MAST3: variants seen among roughly 807,000 people sequenced by gnomAD.
The protein encoded by MAST3 is microtubule associated serine/threonine kinase 3.
In MAST3, 43 loss-of-function variants were observed where a neutral mutation model predicts 127.0. The ratio of observed to expected loss-of-function variants is 0.34; its 90% confidence interval spans 0.27 to 0.44. MAST3 has a LOEUF of 0.44. MAST3 is among the 20% of genes least tolerant of loss of function. The pLI, the probability that MAST3 is intolerant of heterozygous loss-of-function variation, is 1.00. For missense variants in MAST3, 1,390 were observed against 1,919.1 expected (o/e 0.72, Z 5.15); for synonymous variants, 785 against 809.2 (o/e 0.97, Z 0.51).
At chr19:18,131,667 C>T (rs1285459913) in intron 14 of MAST3, among the ~76,000 whole-genome samples, 1 of 150,386 alleles carries the variant, frequency 6.6e-6, no homozygotes, top group Admixed American at 6.6e-5. Flanking sequence ...CCACTGCACT[C>T]CAGCCTGGCG....
Position 18,139,001 on chromosome 19 carries a change from TCTCC to T in MAST3, c.2096-8_2096-5del. 6.4e-7 allele frequency: 1 copy of T among 1,554,818 alleles called. No homozygotes were observed. The highest frequency in any genetic ancestry group is 8.8e-7 in the Non-Finnish European group (1 of 1,142,444). ...GGGCATCAGGCGTGCTGCATGTGCCTCTCCCTCCCACAGCACGTTCGGAACGTTA... is the reference window on the plus strand; with the variant it reads ...GGGCATCAGGCGTGCTGCATGTGCCTCTCCCACAGCACGTTCGGAACGTTA... On this transcript the variant is annotated splice_polypyrimidine_tract_variant and intron_variant, in intron 19 of 27. Transcript: ENST00000687212.
At chr19:18,122,600 AG>A (rs2040130514) in intron 5 of MAST3, 72 bp from the exon 6 acceptor site, 1 of 1,267,696 alleles carries the variant, frequency 7.9e-7, no homozygotes, top group South Asian at 1.3e-5. Context: ...TGCTGGCCAC[AG>A]TGTCTGTTCT....
rs778368767 is a variant in MAST3, at chr19:18,147,494, C to A, written c.3378C>A (p.Thr1126=). 3 of 1,613,340 alleles carry A rather than the reference C, an allele frequency of 1.9e-6. No homozygotes were observed. Among genetic ancestry groups the A allele is most frequent in the East Asian group, 2.2e-5 (1 of 44,864 alleles). The stretch of plus-strand genomic sequence containing the variant: ...CCAAGCAGACCTCCGTGCTGCACAC[C>A]AGCCGCAGCTTCTCCTCCGGACTCC... ...KISKQTSVLH[T]SRSFSSGLHH... The change falls in exon 27 of 28, where the codon ACC becomes ACA. Residue 1126 remains threonine (T), a synonymous_variant. Coordinates refer to ENST00000687212, the MANE Select transcript of MAST3 (RefSeq NM_001393504.1).
chr19:18,109,131 G>A (rs2038301956), intron 2 of MAST3, among the ~76,000 whole-genome samples: 1 of 152,202 alleles, frequency 6.6e-6, no homozygotes, highest in Admixed American at 6.5e-5. Flanking sequence ...AACAGCTTGG[G>A]CAAAGTTTCT....
intron 27 of MAST3, among the ~76,000 whole-genome samples, chr19:18,148,288 C>G (rs1013514799): frequency 6.0e-5 from 9 of 150,558 alleles, no homozygotes; most frequent in Non-Finnish European, 1.3e-4. Flanking sequence ...GCAACAAGAG[C>G]AAAACTCCAT....
At chr19:18,140,601 G>T (rs2042368598) in intron 20 of MAST3, among the ~76,000 whole-genome samples, 1 of 152,004 alleles carries the variant, frequency 6.6e-6, no homozygotes, top group African/African-American at 2.4e-5. Flanking sequence ...TGGCCTTTTG[G>T]GTCTGGCTTC....
At chr19:18,104,179 C>CAAAAAA (rs56347763) in intron 1 of MAST3, among the ~76,000 whole-genome samples, 19 of 43,484 alleles carry the variant, frequency 4.4e-4, no homozygotes, top group African/African-American at 1.0e-3. Flanking sequence ...GACGCTGTCT[C>CAAAAAA]AAAAAAAAAA....
chr19:18,099,078 G>A (rs2037300523), intron 1 of MAST3: 2 of 244,104 alleles, frequency 8.2e-6, no homozygotes, highest in African/African-American at 4.4e-5. Flanking sequence ...AGGTGGGGTG[G>A]GGGTCGGGGA....
At chr19:18,126,811 C>T (rs190672790) in intron 11 of MAST3, among the ~76,000 whole-genome samples, 7 of 151,812 alleles carry the variant, frequency 4.6e-5, no homozygotes, top group African/African-American at 7.2e-5. Flanking sequence ...GACAGAGTCT[C>T]GCTCTCTCGC....
chr19:18,146,439 C>A (rs1303089474), intron 25 of MAST3, among the ~76,000 whole-genome samples: 1 of 152,008 alleles, frequency 6.6e-6, no homozygotes, highest in Non-Finnish European at 1.5e-5. Flanking sequence ...AGAGTGAGAC[C>A]CTCCCTGGTT....
chr19:18,130,743 CT>C (rs768725484), intron 14 of MAST3, 41 bp downstream of exon 14: 19 of 1,587,568 alleles, frequency 1.2e-5, no homozygotes, highest in Non-Finnish European at 1.6e-5. Context: ...CGATGGGGAG[CT>C]CACCCCTCCA....
intron 13 of MAST3, among the ~76,000 whole-genome samples, chr19:18,129,710 A>G (rs1183749314): frequency 6.6e-6 from 1 of 152,184 alleles, no homozygotes; most frequent in Non-Finnish European, 1.5e-5. Context: ...GGATCGCTTG[A>G]GGCCAGGAGT....
At chr19:18,119,914 G>C (rs1234227747) in intron 3 of MAST3, among the ~76,000 whole-genome samples, 1 of 152,160 alleles carries the variant, frequency 6.6e-6, no homozygotes, top group Non-Finnish European at 1.5e-5. Context: ...CTCCCTCCCC[G>C]CGAGATTCTC....
Position 18,149,986 on chromosome 19 carries a change from T to A in MAST3, c.*260T>A. ...CAACTAATTTATTACTTTTTTTTTC[T>A]TTTTTTTTTTTTTTTTTTGAGACAG... is the stretch of plus-strand genomic sequence containing the variant. On this transcript the variant is annotated 3_prime_UTR_variant, in exon 28 of 28. Coordinates refer to ENST00000687212, the MANE Select transcript of MAST3 (RefSeq NM_001393504.1). The surrounding 1 kb of genome is among the most constrained non-coding windows in gnomAD (Gnocchi z 5.9). 8.7e-4 allele frequency: 1 copy of A among 1,152 alleles called. No individual in the cohort carries two copies. The highest frequency in any genetic ancestry group is 1.5e-3 in the Non-Finnish European group (1 of 674). 0.1% of individuals were successfully genotyped at this position (1,152 alleles called of 1,614,324 possible).
intron 20 of MAST3, among the ~76,000 whole-genome samples, chr19:18,141,548 T>C (rs1414722540): frequency 6.6e-6 from 1 of 151,818 alleles, no homozygotes; most frequent in Admixed American, 6.6e-5. Flanking sequence ...AATTTTTGTA[T>C]TTTTAGTAGA....
intron 11 of MAST3, among the ~76,000 whole-genome samples, chr19:18,126,780 ATTT>A (rs201622630): frequency 2.0e-5 from 3 of 148,116 alleles, no homozygotes; most frequent in Non-Finnish European, 4.5e-5. Context: ...ACAAAAAGTA[ATTT>A]TTTTTTTTCT....
At chr19:18,142,649 C>CTT (rs112135955) in intron 21 of MAST3, among the ~76,000 whole-genome samples, 5 of 143,332 alleles carry the variant, frequency 3.5e-5, no homozygotes, top group Non-Finnish European at 7.7e-5. Context: ...TGTGCCCGGC[C>CTT]TTTTTTTTTT....
intron 3 of MAST3, chr19:18,118,205 G>A (rs929445088): frequency 1.3e-5 from 13 of 984,548 alleles, no homozygotes; most frequent in African/African-American, 1.8e-5. Flanking sequence ...GGCGGCTCCC[G>A]GCCATCGGAG....
At chr19:18,143,616 A>T in intron 21 of MAST3, 147 bp from the exon 22 acceptor site, 1 of 949,304 alleles carries the variant, frequency 1.1e-6, no homozygotes, top group East Asian at 2.6e-5. Flanking sequence ...GTGGACAGAG[A>T]GGACAGTGCA....
Sources: gnomAD v4.1 joint callset for allele counts (sites outside exome capture counted in the v4.1 genomes callset) on GRCh38, gnomAD v4.1.1 for gene constraint, Gnocchi (gnomAD v3.1) non-coding constraint, MANE v1.5 for transcripts, NCBI Gene and HGNC (gene_info 2026-07-23, HGNC 2026-07-21) for gene names.